The following WWP1 variants were observed in gnomAD, a reference collection of about 807,000 sequenced individuals.
The protein encoded by WWP1 is WW domain containing E3 ubiquitin protein ligase 1.
Under a neutral mutation model 130.6 loss-of-function variants are expected in WWP1, and 49 were observed. The observed-to-expected ratio is 0.38, with a 90% CI of 0.30 to 0.48. The LOEUF (loss-of-function observed/expected upper bound fraction) is 0.48, where lower values mean the gene tolerates loss of function less well. WWP1 is among the 20% of genes least tolerant of loss of function. The probability of loss-of-function intolerance (pLI) is 0.99; values close to 1 mark genes in which losing one functional copy is unlikely to be tolerated. For missense variants in WWP1, 809 were observed against 1,100.6 expected, an observed-to-expected ratio of 0.74 and a Z score of 3.75; for synonymous variants, 332 against 367.8, an observed-to-expected ratio of 0.90 and a Z score of 1.11.
At chr8:86,428,050 A>G (rs2130659894) in intron 11 of WWP1, among the ~76,000 whole-genome samples, 1 of 152,248 alleles carries the variant, frequency 6.6e-6, no homozygotes, top group Admixed American at 6.5e-5. Flanking sequence ...TAACTTATAC[A>G]TTAAGTTTTA....
chr8:86,405,057 T>G (rs1808200112), intron 8 of WWP1: 1 of 152,218 alleles, frequency 6.6e-6, no homozygotes, highest in Admixed American at 6.5e-5. Context: ...GCTCTGTTGG[T>G]AGCAGCCATT....
At chr8:86,360,631 C>T (rs1018643010) in intron 1 of WWP1, among the ~76,000 whole-genome samples, 4 of 152,202 alleles carry the variant, frequency 2.6e-5, no homozygotes, top group African/African-American at 9.7e-5. Flanking sequence ...TGTGCTGTGT[C>T]TCAGTCAGTA....
intron 8 of WWP1, 50 bp from the exon 9 acceptor site, chr8:86,411,488 A>G (rs1808581480): frequency 6.6e-7 from 1 of 1,512,618 alleles, no homozygotes; most frequent in South Asian, 1.2e-5. Flanking sequence ...TAGGTAATTG[A>G]TTGCTTTATC....
chr8:86,423,814 C>G (rs867392225), intron 9 of WWP1, among the ~76,000 whole-genome samples: 11,915 of 145,224 alleles, frequency 0.082, 1,670 homozygotes, highest in African/African-American at 0.3. Context: ...CAGAGGCGCC[C>G]CCCCCCCACC....
chr8:86,398,526 G>A, intron 6 of WWP1, 46 bp from the exon 7 acceptor site: 1 of 1,611,212 alleles, frequency 6.2e-7, no homozygotes, highest in South Asian at 1.1e-5. Flanking sequence ...AAAAGAATAA[G>A]CAAGAAGTAT....
chr8:86,373,737 G>C (rs1287413843), intron 2 of WWP1, among the ~76,000 whole-genome samples: 3 of 152,080 alleles, frequency 2.0e-5, no homozygotes, highest in Non-Finnish European at 4.4e-5. Context: ...CCTTTGCTTG[G>C]TATGGGAATC....
At chr8:86,364,653 G>T (rs1428537642) in intron 1 of WWP1, among the ~76,000 whole-genome samples, 1 of 151,974 alleles carries the variant, frequency 6.6e-6, no homozygotes, top group Non-Finnish European at 1.5e-5. Flanking sequence ...AACAAACAAA[G>T]AAATTAACCA....
rs1238472325 is a variant in WWP1 at position 86,381,646 on chromosome 8, G to A, written c.334+17G>A. On this transcript the variant is annotated intron_variant, in intron 5 of 24. Transcript: ENST00000517970. ...ATAGAAAATGTAAGTTTTTTGTTCT[G>A]ACCTTTATTTCCTTATAAGTTTATT... 5 of 1,566,976 alleles carry A rather than the reference G, an allele frequency of 3.2e-6. No individual in the cohort carries two copies. In the South Asian group the frequency reaches 6.0e-5, roughly 19 times the overall value.
In WWP1 at chr8:86,468,397, T is replaced by G. The variant is rs1812283574; in HGVS notation, c.*1504T>G. ...AATAGACTCCTTTTCCAAATCCTTA[T>G]TATGAACACTCTGGTAATTTTCAAG... On this transcript the variant is annotated 3_prime_UTR_variant, in exon 25 of 25. Coordinates refer to ENST00000517970, the MANE Select transcript of WWP1 (RefSeq NM_007013.4). The G allele has an allele frequency of 4.4e-6, 2 of 452,076 alleles. 1 individual carries two copies. The highest frequency in any genetic ancestry group is 3.2e-5 in the South Asian group (2 of 62,970). The allele number at this position is 452,076 out of a possible 1,614,324, so 28.0% of individuals were successfully genotyped here.
intron 9 of WWP1, 116 bp downstream of exon 9, chr8:86,411,990 G>C: frequency 3.0e-6 from 3 of 1,004,824 alleles, no homozygotes; most frequent in Non-Finnish European, 4.3e-6. Flanking sequence ...ATCTAAGTTG[G>C]GATCTGAATC....
chr8:86,361,576 C>G (rs1233594221), intron 1 of WWP1, among the ~76,000 whole-genome samples: 1 of 152,140 alleles, frequency 6.6e-6, no homozygotes. Context: ...TCTCCCCATA[C>G]CCTTCCTAAC....
intron 2 of WWP1, among the ~76,000 whole-genome samples, chr8:86,369,606 C>A (rs909520761): frequency 6.6e-6 from 1 of 152,140 alleles, no homozygotes; most frequent in African/African-American, 2.4e-5. Flanking sequence ...AGATTCTTCT[C>A]AAATAAGTAA....
chr8:86,435,591 A>C (rs1810246072), intron 15 of WWP1, 42 bp from the exon 16 acceptor site: 11 of 1,611,520 alleles, frequency 6.8e-6, no homozygotes, highest in Non-Finnish European at 9.3e-6. Flanking sequence ...CAATACATAT[A>C]CTATAACTCA....
intron 5 of WWP1, among the ~76,000 whole-genome samples, chr8:86,381,879 A>T (rs1238828731): frequency 1.3e-5 from 2 of 152,180 alleles, no homozygotes; most frequent in Non-Finnish European, 2.9e-5. Context: ...TCAGTCATTT[A>T]TTATTTGCTT....
At position 86,427,665 on chromosome 8, in the gene WWP1, C is replaced by A; in HGVS notation, c.1180C>A (p.Arg394Ser). Residue 394 changes from arginine (R) to serine (S), a missense_variant, in exon 11 of 25, where the codon CGT (arginine) becomes AGT (serine). Around this residue, in one of 3 missense-constraint regions of WWP1, gnomAD observed 450 missense variants for 674.2 expected, o/e 0.67. Coordinates refer to ENST00000517970, the MANE Select transcript of WWP1 (RefSeq NM_007013.4). Reference protein sequence around the residue: ...PPGWERRVDDRRRVYYVDHNT... With the variant: ...PPGWERRVDDSRRVYYVDHNT... ...TAGTTGGGAAAGAAGAGTTGATGATCGTAGAAGAGTTTATTATGTGGATCA... is the reference window on the plus strand; with the variant it reads ...TAGTTGGGAAAGAAGAGTTGATGATAGTAGAAGAGTTTATTATGTGGATCA... 6.2e-7 allele frequency: 1 copy of A among 1,610,500 alleles called. No individual in the cohort carries two copies. The highest frequency in any genetic ancestry group is 8.5e-7 in the Non-Finnish European group (1 of 1,178,072).
chr8:86,436,855 T>C (rs1810313266), intron 16 of WWP1, among the ~76,000 whole-genome samples: 1 of 152,130 alleles, frequency 6.6e-6, no homozygotes, highest in African/African-American at 2.4e-5. Context: ...CAAGCCAAAA[T>C]GGAGTAATGA....
At chr8:86,408,574 A>G (rs2130546317) in intron 8 of WWP1, among the ~76,000 whole-genome samples, 1 of 152,248 alleles carries the variant, frequency 6.6e-6, no homozygotes, top group African/African-American at 2.4e-5. Context: ...TCCCATTGAG[A>G]GATATTTTAT....
chr8:86,440,865 T>C, intron 17 of WWP1: 1 of 260,982 alleles, frequency 3.8e-6, no homozygotes, highest in African/African-American at 2.3e-5. Context: ...AGTACTGCCC[T>C]ACGTTTTGCT....
chr8:86,400,437 T>C (rs1249032386), intron 7 of WWP1, among the ~76,000 whole-genome samples: 1 of 151,754 alleles, frequency 6.6e-6, no homozygotes, highest in East Asian at 1.9e-4. Context: ...CAGGACAAGA[T>C]GACAGGAATG....
Sources: gnomAD v4.1 joint callset for allele counts (sites outside exome capture counted in the v4.1 genomes callset) on GRCh38, gnomAD v4.1.1 for gene constraint, gnomAD v4.1.1 regional missense constraint, MANE v1.5 for transcripts, NCBI Gene and HGNC (gene_info 2026-07-23, HGNC 2026-07-21) for gene names.